Variants in PIK3IP1 observed in about 807,000 individuals in gnomAD.
The protein encoded by PIK3IP1 is phosphoinositide-3-kinase-interacting protein 1.
In PIK3IP1, 28 loss-of-function variants were observed where a neutral mutation model predicts 30.7. The ratio of observed to expected loss-of-function variants is 0.91; its 90% CI spans 0.68 to 1.25. The LOEUF is 1.25. Ranked by LOEUF, PIK3IP1 falls within the 50% of genes most tolerant of loss-of-function variation. The probability of loss-of-function intolerance (pLI) is 0.00; values close to 1 mark genes in which losing one functional copy is unlikely to be tolerated. For missense variants in PIK3IP1, 333 were observed against 346.2 expected, an observed-to-expected ratio of 0.96 and a Z score of 0.30; for synonymous variants, 159 against 140.8, an observed-to-expected ratio of 1.13 and a Z score of -0.91.
intron 5 of PIK3IP1, among the ~76,000 whole-genome samples, chr22:31,287,642 GAAAAGA>G (rs2049142222): frequency 6.6e-6 from 1 of 151,964 alleles, no homozygotes; most frequent in African/African-American, 2.4e-5. Flanking sequence ...ACATTTTATA[GAAAAGA>G]AAAACAGCCA....
chr22:31,289,430 C>A, intron 4 of PIK3IP1, 37 bp from the exon 5 acceptor site: 1 of 1,574,892 alleles, frequency 6.3e-7, no homozygotes, highest in Non-Finnish European at 8.6e-7. Flanking sequence ...ATTAGCCACA[C>A]CCTAGACAAT....
At chr22:31,283,926 T>TG (rs1200735341) in intron 5 of PIK3IP1, among the ~76,000 whole-genome samples, 2 of 152,062 alleles carry the variant, frequency 1.3e-5, no homozygotes, top group South Asian at 4.2e-4. Flanking sequence ...TTTTTGGAGA[T>TG]GGAGTTTCGT....
At chr22:31,286,499 T>G (rs974864241) in intron 5 of PIK3IP1, among the ~76,000 whole-genome samples, 5 of 152,236 alleles carry the variant, frequency 3.3e-5, no homozygotes, top group Non-Finnish European at 7.3e-5. Context: ...AGAGCAGTTC[T>G]GCTGAAGAAA....
At position 31,291,187 on chromosome 22, in the gene PIK3IP1, G is replaced by A; in HGVS notation, c.180C>T (p.Pro60=). The change falls in exon 2 of 6, where the codon CCC becomes CCT. Residue 60 remains proline (P), a synonymous_variant. Coordinates refer to ENST00000215912, the MANE Select transcript of PIK3IP1 (RefSeq NM_052880.5). ...CCCCCGGAGGACACTTACCCGACAC[G>A]GGGGCCGAGGCCAGCCCGCTCTGCG... ...LDAQSGLASA[P]VSGAGNHSYC... 1 of 1,546,544 alleles carries A rather than the reference G, an allele frequency of 6.5e-7. No homozygotes were observed. The highest frequency in any genetic ancestry group is 1.4e-5 in the African/African-American group (1 of 72,548).
intron 5 of PIK3IP1, among the ~76,000 whole-genome samples, chr22:31,286,644 C>G (rs1245874441): frequency 6.6e-6 from 1 of 152,182 alleles, no homozygotes; most frequent in Non-Finnish European, 1.5e-5. Flanking sequence ...AAAAAGACTT[C>G]CACTGGACAC....
In PIK3IP1 at chr22:31,289,484, G is replaced by A. The variant is rs753933762; in HGVS notation, c.508+15C>T. On this transcript the variant is annotated intron_variant, in intron 4 of 5. Coordinates refer to ENST00000215912, the MANE Select transcript of PIK3IP1 (RefSeq NM_052880.5). ...GATGAATCCCAACGAGGGCAGGGGTGGGGGACCGTCATACCCAGAGTTCCC... is the reference window on the plus strand; with the variant it reads ...GATGAATCCCAACGAGGGCAGGGGTAGGGGACCGTCATACCCAGAGTTCCC... The A allele has an allele frequency of 6.5e-7, 1 of 1,538,474 alleles. No homozygotes were observed. The highest frequency in any genetic ancestry group is 8.8e-7 in the Non-Finnish European group (1 of 1,141,220).
chr22:31,287,621 C>A (rs545636620), intron 5 of PIK3IP1, among the ~76,000 whole-genome samples: 1 of 152,104 alleles, frequency 6.6e-6, no homozygotes, highest in African/African-American at 2.4e-5. Context: ...TGAGCCACCA[C>A]GCCCAGCCAC....
rs1275022219 is a variant in PIK3IP1, at chr22:31,291,165, C to T, written c.187+15G>A. ...CGCCCGCCAGCCCCGGGGCCGTCCC[C>T]CGGAGGACACTTACCCGACACGGGG... On this transcript the variant is annotated intron_variant, in intron 2 of 5. Coordinates refer to ENST00000215912, the MANE Select transcript of PIK3IP1 (RefSeq NM_052880.5). 1 of 1,542,254 alleles carries T rather than the reference C, an allele frequency of 6.5e-7. No homozygotes were observed. Among genetic ancestry groups the T allele is most frequent in the Non-Finnish European group, 8.7e-7 (1 of 1,143,824 alleles).
upstream of PIK3IP1, chr22:31,292,522 C>G: frequency 3.3e-6 from 2 of 600,868 alleles, no homozygotes; most frequent in Non-Finnish European, 3.0e-6. Flanking sequence ...GCAGCGCGAG[C>G]TGTTTTTCAG....
At position 31,292,259 on chromosome 22, in the gene PIK3IP1, A is replaced by G; in HGVS notation, c.70+16T>C. 3.7e-6 allele frequency: 6 copies of G among 1,612,916 alleles called. No homozygotes were observed. The highest frequency in any genetic ancestry group is 5.1e-6 in the Non-Finnish European group (6 of 1,178,906). ...TTTCATGAAGTTGCTGCGGAAAGGA[A>G]AGATTGTAATCTCACCTCCAGATCC... On this transcript the variant is annotated intron_variant, in intron 1 of 5. Coordinates refer to ENST00000215912, the MANE Select transcript of PIK3IP1 (RefSeq NM_052880.5).
intron 3 of PIK3IP1, 181 bp from the exon 4 acceptor site, chr22:31,289,880 C>G (rs1338583095): frequency 1.7e-6 from 1 of 591,666 alleles, no homozygotes; most frequent in African/African-American, 1.9e-5. Context: ...TGAACCATCT[C>G]AGGGACAAGG....
At chr22:31,291,976 A>G (rs1280844375) in intron 1 of PIK3IP1, among the ~76,000 whole-genome samples, 2 of 152,206 alleles carry the variant, frequency 1.3e-5, no homozygotes, top group South Asian at 4.1e-4. Context: ...GGAGGACCAC[A>G]CCATGCAAAG....
At chr22:31,292,228 C>T in intron 1 of PIK3IP1, 47 bp downstream of exon 1, 1 of 1,585,348 alleles carries the variant, frequency 6.3e-7, no homozygotes, top group East Asian at 2.2e-5. Context: ...GGCTTTACCC[C>T]TTCTGTTTCA....
At chr22:31,292,233 G>A (rs778005259) in intron 1 of PIK3IP1, 42 bp downstream of exon 1, 1 of 1,593,720 alleles carries the variant, frequency 6.3e-7, no homozygotes, top group Non-Finnish European at 8.6e-7. Flanking sequence ...TACCCCTTCT[G>A]TTTCATGAAG....
Position 31,289,323 on chromosome 22 carries a change from G to T in PIK3IP1, c.579C>A (p.Ser193=), listed in dbSNP as rs952763745. The T allele has an allele frequency of 6.2e-7, 1 of 1,614,088 alleles. No homozygotes were observed. The highest frequency in any genetic ancestry group is 8.5e-7 in the Non-Finnish European group (1 of 1,179,968). ...GAAGAGAAGCTACTGACCTCTTGTA[G>T]GAGTAGCCCAAGATGATGCCAGCTC... ...AIGAGIILGY[S]YKRGKDLKEQ... Residue 193 remains serine (S), a synonymous_variant, in exon 5 of 6, where the codon TCC becomes TCA. Coordinates refer to ENST00000215912, the MANE Select transcript of PIK3IP1 (RefSeq NM_052880.5).
chr22:31,292,135 G>A (rs1156336352), intron 1 of PIK3IP1, 140 bp downstream of exon 1: 3 of 742,720 alleles, frequency 4.0e-6, no homozygotes, highest in East Asian at 2.6e-5. Flanking sequence ...AAGGAAAGGA[G>A]GGGTGGAAAA....
chr22:31,289,713 G>C lies in PIK3IP1; in HGVS notation c.308-14C>G. The C allele has an allele frequency of 1.3e-6, 2 of 1,551,680 alleles. No homozygotes were observed. Among genetic ancestry groups the C allele is most frequent in the Non-Finnish European group, 1.7e-6 (2 of 1,146,988 alleles). ...GGGAGGTGGTCTCTGGAGATGAGGT[G>C]GGAAACAGCTCTCATCAGGGACTGC... is the stretch of plus-strand genomic sequence containing the variant. On this transcript the variant is annotated splice_polypyrimidine_tract_variant and intron_variant, in intron 3 of 5. Transcript: ENST00000215912.
chr22:31,285,137 C>T (rs761528742), intron 5 of PIK3IP1, among the ~76,000 whole-genome samples: 2 of 152,094 alleles, frequency 1.3e-5, no homozygotes, highest in South Asian at 4.1e-4. Context: ...CTACACAGGT[C>T]GTCTTCAATT....
intron 3 of PIK3IP1, chr22:31,290,700 G>C (rs747228083): frequency 4.4e-6 from 2 of 454,902 alleles, no homozygotes; most frequent in Admixed American, 4.4e-5. Flanking sequence ...CCACTCCTCA[G>C]GACGCGCGGC....
Sources: allele counts gnomAD v4.1 joint callset (sites outside exome capture counted in the v4.1 genomes callset), GRCh38; gene constraint gnomAD v4.1.1; transcripts MANE v1.5; gene names NCBI Gene and HGNC (gene_info 2026-07-23, HGNC 2026-07-21).